The following TMEM132B variants were observed in gnomAD, a reference collection of about 807,000 sequenced individuals.
TMEM132B encodes transmembrane protein 132B.
In TMEM132B, 18 loss-of-function variants were observed where a neutral mutation model predicts 90.8. The ratio of observed to expected loss-of-function variants is 0.20; its 90% confidence interval spans 0.14 to 0.29. The LOEUF is 0.29. Among genes scored for constraint, TMEM132B ranks in the 10% least tolerant of loss-of-function variants. TMEM132B has a pLI of 1.00. For missense variants in TMEM132B, 1,096 were observed against 1,326.8 expected, an observed-to-expected ratio of 0.83 and a Z score of 2.70; for synonymous variants, 504 against 523.3, an observed-to-expected ratio of 0.96 and a Z score of 0.50.
rs1194644843 is a variant in TMEM132B at position 125,658,593 on chromosome 12, A to G, written c.*3883A>G. The G allele has an allele frequency of 6.6e-6, 1 of 152,258 alleles. No homozygotes were observed. The highest frequency in any genetic ancestry group is 1.5e-5 in the Non-Finnish European group (1 of 68,048). The allele number at this position is 152,258 out of a possible 1,614,324, so 9.4% of individuals were successfully genotyped here. On this transcript the variant is annotated 3_prime_UTR_variant, in exon 9 of 9. Coordinates refer to ENST00000682704, the MANE Select transcript of TMEM132B (RefSeq NM_001366854.1). ...AAATTATATATGTGTGATGTAATGC[A>G]TATCACCTGTCATGTAAAGGGACGG...
Position 125,644,732 on chromosome 12 carries a change from T to G in TMEM132B, c.1643+451T>G, listed in dbSNP as rs1451434838. On this transcript the variant is annotated intron_variant, in intron 6 of 8. Coordinates refer to ENST00000682704, the MANE Select transcript of TMEM132B (RefSeq NM_001366854.1). The stretch of plus-strand genomic sequence containing the variant: ...CTGTGGGATAAGGCTGCCTGAGTTG[T>G]TCCCCACCACCATCCCGCGCCGGGC... Among the ~76,000 whole-genome samples the G allele has an allele frequency of 2.0e-5, 3 of 152,122 alleles. No individual in the cohort carries two copies. In the East Asian group the frequency reaches 5.8e-4, roughly 29 times the overall value.
chr12:125,187,026 C>T (rs925594718), intron 1 of TMEM132B, among the ~76,000 whole-genome samples, 160 bp downstream of exon 1: 1 of 152,162 alleles, frequency 6.6e-6, no homozygotes, highest in Non-Finnish European at 1.5e-5. Flanking sequence ...GCGCGTTCCC[C>T]TTTGCCTAGC....
At chr12:125,440,106 A>G (rs1379015052) in intron 3 of TMEM132B, among the ~76,000 whole-genome samples, 1 of 152,160 alleles carries the variant, frequency 6.6e-6, no homozygotes, top group Admixed American at 6.5e-5. Context: ...AAATCCTTTC[A>G]TCAAGGATAT....
In TMEM132B at chr12:125,334,020, C is replaced by A. The variant is rs112870573; in HGVS notation, c.68-15432C>A. ...TTCTTCCAAAATCAGGGAAAAAATGCCATGAAAAGTATGAAAATATAAAGC... is the reference window on the plus strand; with the variant it reads ...TTCTTCCAAAATCAGGGAAAAAATGACATGAAAAGTATGAAAATATAAAGC... On this transcript the variant is annotated intron_variant, in intron 1 of 8. Coordinates refer to ENST00000682704, the MANE Select transcript of TMEM132B (RefSeq NM_001366854.1). Among the ~76,000 whole-genome samples, 504 of 152,164 alleles carry A rather than the reference C, an allele frequency of 3.3e-3. 5 individuals are homozygous for A. Among genetic ancestry groups the A allele is most frequent in the African/African-American group, 0.012 (480 of 41,504 alleles).
chr12:125,294,535 A>AT (rs1875620122), intron 1 of TMEM132B, among the ~76,000 whole-genome samples: 1 of 152,256 alleles, frequency 6.6e-6, no homozygotes, highest in Admixed American at 6.5e-5. Context: ...CCTTGATAAA[A>AT]TAATTATGGC....
intron 4 of TMEM132B, among the ~76,000 whole-genome samples, chr12:125,571,516 A>C (rs555214281): frequency 1.3e-5 from 2 of 152,322 alleles, no homozygotes; most frequent in African/African-American, 4.8e-5. Context: ...GAACTTATCT[A>C]AGTGTTTAAG....
At chr12:125,448,929 G>T (rs1300236015) in intron 3 of TMEM132B, among the ~76,000 whole-genome samples, 1 of 149,728 alleles carries the variant, frequency 6.7e-6, no homozygotes, top group Non-Finnish European at 1.5e-5. Context: ...AAAATTTTGA[G>T]CATCTTTTAT....
intron 2 of TMEM132B, among the ~76,000 whole-genome samples, chr12:125,364,415 C>G (rs1878061395): frequency 6.6e-6 from 1 of 152,176 alleles, no homozygotes; most frequent in African/African-American, 2.4e-5. Flanking sequence ...TACTTTACTA[C>G]ATATCTATCA....
At chr12:125,456,611 C>T (rs997423653) in intron 3 of TMEM132B, among the ~76,000 whole-genome samples, 12 of 152,166 alleles carry the variant, frequency 7.9e-5, no homozygotes, top group Non-Finnish European at 1.6e-4. Flanking sequence ...AAATCTGCCT[C>T]GTTACTCTCT....
At chr12:125,589,314 C>T (rs1885258860) in intron 5 of TMEM132B, among the ~76,000 whole-genome samples, 1 of 151,812 alleles carries the variant, frequency 6.6e-6, no homozygotes, top group South Asian at 2.1e-4. Context: ...AACCCTGTCT[C>T]TACTAAAAAT....
chr12:125,294,172 T>C (rs1241825412), intron 1 of TMEM132B, among the ~76,000 whole-genome samples: 1 of 152,250 alleles, frequency 6.6e-6, no homozygotes, highest in Non-Finnish European at 1.5e-5. Flanking sequence ...GTGCCTGATC[T>C]GAATTCCCAT....
intron 6 of TMEM132B, among the ~76,000 whole-genome samples, chr12:125,646,765 G>A (rs905480013): frequency 6.6e-6 from 1 of 152,212 alleles, no homozygotes; most frequent in Non-Finnish European, 1.5e-5. Context: ...AGGGTTTCCT[G>A]TCATAATATA....
chr12:125,225,258 G>A (rs1220097464), intron 1 of TMEM132B, among the ~76,000 whole-genome samples: 1 of 152,258 alleles, frequency 6.6e-6, no homozygotes, highest in African/African-American at 2.4e-5. Flanking sequence ...ATATAGCAGG[G>A]TGAGAGGTTA....
rs113651659 is a variant in TMEM132B, at chr12:125,657,336, C to CGTGTGTGTGTGTGTGTGT, written c.*2642_*2659dup. The CGTGTGTGTGTGTGTGTGT allele has an allele frequency of 5.0e-5, 5 of 100,508 alleles. No individual in the cohort carries two copies. Among genetic ancestry groups the CGTGTGTGTGTGTGTGTGT allele is most frequent in the African/African-American group, 1.5e-4 (5 of 34,004 alleles). The allele number at this position is 100,508 out of a possible 1,614,324, so 6.2% of individuals were successfully genotyped here. A position where few individuals can be genotyped will look rare whatever the true frequency, so the allele number is the denominator to read the frequency against. The stretch of plus-strand genomic sequence containing the variant: ...ATAAACGCATATACATACATATACC[C>CGTGTGTGTGTGTGTGTGT]GTGTGTGTGTGTGTGTGTGTGTGTG... On this transcript the variant is annotated 3_prime_UTR_variant, in exon 9 of 9. Transcript: ENST00000682704.
chr12:125,585,786 G>C (rs1171866724), intron 5 of TMEM132B: 3 of 152,116 alleles, frequency 2.0e-5, no homozygotes, highest in African/African-American at 7.2e-5. Flanking sequence ...TTGCTCAGCT[G>C]TCACCTATAT....
In TMEM132B at chr12:125,518,401, A is replaced by G. The variant is rs1227347078; in HGVS notation, c.1107-1038A>G. Among the ~76,000 whole-genome samples, 4 of 152,214 alleles carry G rather than the reference A, an allele frequency of 2.6e-5. No individual in the cohort carries two copies. In the South Asian group the frequency reaches 8.3e-4, roughly 32 times the overall value. On this transcript the variant is annotated intron_variant, in intron 3 of 8. Transcript: ENST00000682704. The stretch of plus-strand genomic sequence containing the variant: ...AGGCAGGAAGGAGACTTCTCAGCCT[A>G]CATTGGTCCTAGGAGGCTCATTGGC...
chr12:125,299,673 C>T (rs184012271), intron 1 of TMEM132B, among the ~76,000 whole-genome samples: 18 of 152,320 alleles, frequency 1.2e-4, no homozygotes, highest in Admixed American at 7.8e-4. Context: ...CCCTTGTCAC[C>T]GCTTTTCCAG....
chr12:125,421,652 T>A (rs1880170689), intron 3 of TMEM132B, among the ~76,000 whole-genome samples: 1 of 151,516 alleles, frequency 6.6e-6, no homozygotes, highest in Non-Finnish European at 1.5e-5. Flanking sequence ...CTTTCAGGAG[T>A]TTTTCATTGC....
Position 125,348,559 on chromosome 12 carries a change from T to C in TMEM132B, c.68-893T>C, listed in dbSNP as rs1480154609. ...TGTTTTGCTCAGGCTGGTTTTGAAC[T>C]CTTGGGGTCAAGTGACCCACCTGCC... is the stretch of plus-strand genomic sequence containing the variant. On this transcript the variant is annotated intron_variant, in intron 1 of 8. Coordinates refer to ENST00000682704, the MANE Select transcript of TMEM132B (RefSeq NM_001366854.1). Among the ~76,000 whole-genome samples the C allele has an allele frequency of 2.0e-5, 3 of 151,688 alleles. No individual in the cohort carries two copies. In the East Asian group the frequency reaches 5.8e-4, roughly 29 times the overall value.
Sources: gnomAD v4.1 joint callset for allele counts (sites outside exome capture counted in the v4.1 genomes callset) on GRCh38, gnomAD v4.1.1 for gene constraint, MANE v1.5 for transcripts, NCBI Gene and HGNC (gene_info 2026-07-23, HGNC 2026-07-21) for gene names.